Variants in MKNK1 observed in about 807,000 individuals in gnomAD.
The protein encoded by MKNK1 is MAPK interacting serine/threonine kinase 1.
Under a neutral mutation model 49.3 loss-of-function variants are expected in MKNK1, and 30 were observed. The observed-to-expected ratio is 0.61, with a 90% CI of 0.46 to 0.83. MKNK1 has a LOEUF of 0.83. MKNK1 is among the 40% of genes least tolerant of loss of function. MKNK1 has a pLI of 0.00. For synonymous variants in MKNK1, 176 were observed against 201.7 expected (o/e 0.87, Z 1.08); for missense variants, 423 against 524.7 (o/e 0.81, Z 1.89).
intron 4 of MKNK1, among the ~76,000 whole-genome samples, chr1:46,578,080 T>G (rs979921765): frequency 2.0e-5 from 3 of 152,208 alleles, no homozygotes; most frequent in African/African-American, 7.2e-5. Context: ...TCAACTTCAT[T>G]CCCCAAGCAT....
At chr1:46,560,195 T>C (rs779260151) in intron 12 of MKNK1, 39 bp downstream of exon 12, 8 of 1,611,104 alleles carry the variant, frequency 5.0e-6, no homozygotes, top group African/African-American at 4.0e-5. Context: ...GCTGAGAGCT[T>C]GAGGAAGAGC....
chr1:46,581,233 C>T (rs1557867498), intron 3 of MKNK1, among the ~76,000 whole-genome samples: 2 of 151,890 alleles, frequency 1.3e-5, no homozygotes, highest in Admixed American at 6.6e-5. Context: ...TTCAGAGAGG[C>T]TGGGCATGGT....
At chr1:46,594,389 A>G (rs1673775507) in intron 1 of MKNK1, 109 bp from the exon 2 acceptor site, 3 of 556,370 alleles carry the variant, frequency 5.4e-6, no homozygotes, top group Non-Finnish European at 6.5e-6. Context: ...TTACCCCACT[A>G]AGTAGATATA....
At chr1:46,601,367 C>T (rs1289936854) in intron 1 of MKNK1, among the ~76,000 whole-genome samples, 3 of 152,196 alleles carry the variant, frequency 2.0e-5, no homozygotes, top group African/African-American at 7.2e-5. Context: ...AGGCTGTTGG[C>T]AAGGGAAAAT....
intron 1 of MKNK1, among the ~76,000 whole-genome samples, chr1:46,594,674 C>T (rs1673814799): frequency 6.6e-6 from 1 of 152,178 alleles, no homozygotes; most frequent in South Asian, 2.1e-4. Context: ...TAAGACACCT[C>T]TGCTCTGAGG....
intron 3 of MKNK1, among the ~76,000 whole-genome samples, chr1:46,581,135 C>T (rs1312893850): frequency 6.6e-6 from 1 of 151,908 alleles, no homozygotes; most frequent in Admixed American, 6.6e-5. Context: ...CAGGTGACCC[C>T]AGAATAAACC....
At chr1:46,572,222 GT>G (rs1050083097) in intron 6 of MKNK1, 55 bp from the exon 7 acceptor site, 3,416 of 1,283,018 alleles carry the variant, frequency 2.7e-3, no homozygotes, top group Middle Eastern at 3.1e-3. Context: ...GTAAGTATAA[GT>G]TTTTTTTTTA....
rs573792661 is a variant in MKNK1, at chr1:46,563,989, G to A, written c.609+1052C>T. On this transcript the variant is annotated intron_variant, in intron 9 of 12. Coordinates refer to ENST00000371945, the MANE Select transcript of MKNK1 (RefSeq NM_001135553.4). ...GAACCCAGGAGGCAGAGCTTGCAGT[G>A]AGCCGAGATCACGCCACTGCATTCC... Among the ~76,000 whole-genome samples the A allele has an allele frequency of 5.3e-5, 4 of 75,776 alleles. No homozygotes were observed. The East Asian group carries it at 1.7e-3, about 33-fold the overall frequency. 49.7% of individuals were successfully genotyped at this position (75,776 alleles called of 152,430 possible).
At chr1:46,564,673 C>A (rs1220878382) in intron 9 of MKNK1, among the ~76,000 whole-genome samples, 1 of 151,956 alleles carries the variant, frequency 6.6e-6, no homozygotes, top group East Asian at 1.9e-4. Context: ...TGGGGTTTCT[C>A]CATGTTGGTC....
At chr1:46,591,078 G>A (rs1385414525) in intron 2 of MKNK1, among the ~76,000 whole-genome samples, 1 of 152,216 alleles carries the variant, frequency 6.6e-6, no homozygotes, top group Non-Finnish European at 1.5e-5. Flanking sequence ...CCATTAGTGG[G>A]AAGATTTGGT....
chr1:46,563,622 GAATT>G (rs1442879030), intron 9 of MKNK1: 8 of 152,198 alleles, frequency 5.3e-5, no homozygotes, highest in Non-Finnish European at 1.2e-4. Context: ...TTGTCAATTA[GAATT>G]AATGACTTTG....
intron 9 of MKNK1, among the ~76,000 whole-genome samples, chr1:46,564,454 GTTTTTTTTATTGTTTTTTTT>G (rs1359962938): frequency 3.1e-5 from 3 of 96,418 alleles, no homozygotes; most frequent in Non-Finnish European, 5.7e-5. Flanking sequence ...CTCAGCCTGT[GTTTTTTTTATTGTTTTTTTT>G]TTTTTTTTTT....
intron 1 of MKNK1, among the ~76,000 whole-genome samples, chr1:46,595,331 A>T (rs1306224190): frequency 6.6e-6 from 1 of 151,932 alleles, no homozygotes; most frequent in Non-Finnish European, 1.5e-5. Context: ...CAAAATTTCT[A>T]AAAAGGCTTT....
intron 1 of MKNK1, among the ~76,000 whole-genome samples, chr1:46,596,046 C>A (rs1375093464): frequency 6.6e-6 from 1 of 152,258 alleles, no homozygotes; most frequent in African/African-American, 2.4e-5. Flanking sequence ...CCACGCCTGG[C>A]CTTGAGCTTC....
intron 9 of MKNK1, among the ~76,000 whole-genome samples, chr1:46,563,917 C>T (rs1270773205): frequency 6.3e-5 from 6 of 95,360 alleles, no homozygotes; most frequent in East Asian, 3.1e-4. Context: ...TGGTGGCGGG[C>T]GCCTGTAGTC....
In MKNK1 at chr1:46,568,515, C is replaced by T; in HGVS notation, c.458-17G>A. On this transcript the variant is annotated splice_polypyrimidine_tract_variant and intron_variant, in intron 7 of 12. Coordinates refer to ENST00000371945, the MANE Select transcript of MKNK1 (RefSeq NM_001135553.4). ...GAGCAATGCCTGACATGACAAAGAG[C>T]AAAAAAATGGTTAACATATGCAGAT... The T allele has an allele frequency of 6.2e-7, 1 of 1,607,222 alleles. No individual in the cohort carries two copies. Among genetic ancestry groups the T allele is most frequent in the Non-Finnish European group, 8.5e-7 (1 of 1,177,026 alleles).
At chr1:46,560,825 A>T (rs190749640) in intron 11 of MKNK1, among the ~76,000 whole-genome samples, 3 of 152,326 alleles carry the variant, frequency 2.0e-5, no homozygotes, top group South Asian at 2.1e-4. Flanking sequence ...TCTGCAACAT[A>T]GGATGGCAAT....
intron 8 of MKNK1, among the ~76,000 whole-genome samples, chr1:46,567,724 A>G (rs755137658): frequency 3.3e-5 from 5 of 152,242 alleles, no homozygotes; most frequent in Non-Finnish European, 7.3e-5. Flanking sequence ...AGAGCTGTGA[A>G]CGTGGGCCCC....
chr1:46,581,454 G>A (rs1671727064), intron 3 of MKNK1, among the ~76,000 whole-genome samples: 1 of 137,146 alleles, frequency 7.3e-6, no homozygotes, highest in Admixed American at 8.1e-5. Flanking sequence ...AGGTTGTAGT[G>A]AGCCAAGATC....
Sources: gnomAD v4.1 joint callset for allele counts (sites outside exome capture counted in the v4.1 genomes callset) on GRCh38, gnomAD v4.1.1 for gene constraint, MANE v1.5 for transcripts, NCBI Gene and HGNC (gene_info 2026-07-23, HGNC 2026-07-21) for gene names.